LRIG2: variants seen among roughly 807,000 people sequenced by gnomAD.
The protein encoded by LRIG2 is leucine rich repeats and immunoglobulin like domains 2, also known as leucine-rich repeats and immunoglobulin-like domains protein 2.
In LRIG2, 93 loss-of-function variants were observed where a neutral mutation model predicts 107.8. That is an observed-to-expected ratio of 0.86 (90% CI 0.73 to 1.03). LRIG2 has a LOEUF of 1.03. Among genes scored for constraint, LRIG2 ranks in the 50% least tolerant of loss-of-function variants. The pLI is 0.00. For synonymous variants in LRIG2, 471 were observed against 470.6 expected (o/e 1.00, Z -0.01); for missense variants, 1,226 against 1,296.0 (o/e 0.95, Z 0.83).
At position 113,098,735 on chromosome 1, in the gene LRIG2, C is replaced by T. The variant is rs772708079; in HGVS notation, c.1122C>T (p.Ala374=). The change falls in exon 9 of 18, where the codon GCC becomes GCT. Residue 374 remains alanine (A), a synonymous_variant. Transcript: ENST00000361127. Reference sequence around the variant, plus strand: ...TAAGAAACAATGAAATTTCATGGGCCATAGAAGATGCTAGTGAAGCCTTTG... The same window carrying T: ...TAAGAAACAATGAAATTTCATGGGCTATAGAAGATGCTAGTGAAGCCTTTG... ...LDLRNNEISW[A]IEDASEAFAG... 2.5e-6 allele frequency: 4 copies of T among 1,612,832 alleles called. No individual in the cohort carries two copies. In the East Asian group the frequency reaches 8.9e-5, roughly 36 times the overall value.
intron 15 of LRIG2, among the ~76,000 whole-genome samples, chr1:113,115,603 A>T (rs987019371): frequency 6.6e-6 from 1 of 150,974 alleles, no homozygotes; most frequent in Non-Finnish European, 1.5e-5. Context: ...TCTTGGCTCA[A>T]TGCAACTTCC....
intron 1 of LRIG2, among the ~76,000 whole-genome samples, chr1:113,079,861 C>T (rs1392129139): frequency 6.7e-6 from 1 of 148,872 alleles, no homozygotes; most frequent in Non-Finnish European, 1.5e-5. Context: ...TCCCAAGTAG[C>T]TGGGATTACA....
At chr1:113,088,660 C>G (rs1653661024) in intron 1 of LRIG2, among the ~76,000 whole-genome samples, 1 of 152,172 alleles carries the variant, frequency 6.6e-6, no homozygotes, top group African/African-American at 2.4e-5. Context: ...TCATATTATG[C>G]TAGCCTGCTA....
intron 8 of LRIG2, among the ~76,000 whole-genome samples, chr1:113,097,159 T>C (rs574152586): frequency 6.6e-6 from 1 of 151,438 alleles, no homozygotes; most frequent in South Asian, 2.1e-4. Context: ...TAAGAATGTG[T>C]TTTTGTGAAC....
rs905213459 is a variant in LRIG2 at position 113,117,913 on chromosome 1, T to TG, written c.2681-1320_2681-1319insG. On this transcript the variant is annotated intron_variant, in intron 16 of 17. Transcript: ENST00000361127. ...TCTAACATTCTGTTGCATGATTTTT[T>TG]TTTGTTTGTTTTTTGGTTTTTTTGA... is the stretch of plus-strand genomic sequence containing the variant. 3.2e-4 allele frequency among the ~76,000 whole-genome samples: 49 copies of TG among 151,674 alleles called. No homozygotes were observed. The East Asian group carries it at 3.3e-3, about 10-fold the overall frequency.
chr1:113,120,487 A>G (rs989054292), intron 17 of LRIG2, among the ~76,000 whole-genome samples: 1 of 149,364 alleles, frequency 6.7e-6, no homozygotes, highest in Non-Finnish European at 1.5e-5. Context: ...TAATTTGGTG[A>G]TGGTTTTTAC....
At chr1:113,108,711 T>A (rs1287588522) in intron 12 of LRIG2, among the ~76,000 whole-genome samples, 3 of 151,616 alleles carry the variant, frequency 2.0e-5, no homozygotes, top group Non-Finnish European at 2.9e-5. Flanking sequence ...ACCCTGACTC[T>A]ACTAAAAATA....
chr1:113,124,163 A>C lies in LRIG2; in HGVS notation c.*62A>C. The C allele has an allele frequency of 7.2e-7, 1 of 1,389,750 alleles. No homozygotes were observed. The highest frequency in any genetic ancestry group is 1.0e-6 in the Non-Finnish European group (1 of 987,208). The allele number at this position is 1,389,750 out of a possible 1,614,324, so 86.1% of individuals were successfully genotyped here. A position where few individuals can be genotyped will look rare whatever the true frequency, so the allele number is the denominator to read the frequency against. On this transcript the variant is annotated 3_prime_UTR_variant, in exon 18 of 18. Transcript: ENST00000361127. The stretch of plus-strand genomic sequence containing the variant: ...TAATTAATTTTGCATTTACTACCTC[A>C]GAGCTCAGAAGAAACTCCGAAGTCA...
chr1:113,104,067 C>G (rs559386931), intron 11 of LRIG2, among the ~76,000 whole-genome samples: 2 of 152,326 alleles, frequency 1.3e-5, no homozygotes, highest in South Asian at 4.1e-4. Context: ...ACCACTGGTT[C>G]TGTCCACCTC....
chr1:113,093,111 ACCT>A (rs1653897014), intron 2 of LRIG2, 92 bp from the exon 3 acceptor site: 6 of 709,012 alleles, frequency 8.5e-6, no homozygotes, highest in Admixed American at 3.3e-5. Flanking sequence ...CAAATTTGGC[ACCT>A]ATTCTAAAGA....
Position 113,114,691 on chromosome 1 carries a change from A to G in LRIG2, c.2345A>G (p.Asn782Ser), listed in dbSNP as rs147339853. The change falls in exon 15 of 18, where the codon AAT (asparagine) becomes AGT (serine). Residue 782 changes from asparagine to serine, a missense_variant. This residue lies in a region of LRIG2 where 642 missense variants were observed against 712.2 expected (regional missense o/e 0.90). Transcript: ENST00000361127. ...LGTERGHIYL[N>S]VISSPNCDSS... ...ACAGAACGTGGCCACATTTACCTAA[A>G]TGTCATTTCATCCCCCAATTGTGAC... 2.2e-5 allele frequency: 36 copies of G among 1,614,004 alleles called. No homozygotes were observed. Among genetic ancestry groups the G allele is most frequent in the Non-Finnish European group, 3.1e-5 (36 of 1,180,038 alleles).
intron 1 of LRIG2, among the ~76,000 whole-genome samples, chr1:113,090,065 C>T (rs1312159240): frequency 6.6e-6 from 1 of 151,794 alleles, no homozygotes; most frequent in Non-Finnish European, 1.5e-5. Flanking sequence ...TTTAGAAGCT[C>T]ACCATTTTGA....
chr1:113,095,851 C>T (rs1654037377), intron 6 of LRIG2, 23 bp from the exon 7 acceptor site: 1 of 1,613,544 alleles, frequency 6.2e-7, no homozygotes, highest in African/African-American at 1.3e-5. Context: ...AACGTATTTT[C>T]TTCTCTTTCT....
rs1255431454 is a variant in LRIG2 at position 113,094,439 on chromosome 1, A to G, written c.616A>G (p.Met206Val). Residue 206 changes from methionine (M) to valine (V), a missense_variant, in exon 5 of 18, where the codon ATG becomes GTG. Coordinates refer to ENST00000361127, the MANE Select transcript of LRIG2 (RefSeq NM_014813.3). Reference sequence around the variant, plus strand: ...AAAGTTAAACCGTAACCGAATGAGCATGATTCCACCTAAGATCTTCAAGCT... The same window carrying G: ...AAAGTTAAACCGTAACCGAATGAGCGTGATTCCACCTAAGATCTTCAAGCT... Reference protein sequence around the residue: ...VVKLNRNRMSMIPPKIFKLPH... With the variant: ...VVKLNRNRMSVIPPKIFKLPH... 3.1e-6 allele frequency: 5 copies of G among 1,612,980 alleles called. No homozygotes were observed. The Admixed American group carries it at 5.0e-5, about 16-fold the overall frequency.
chr1:113,104,799 G>C (rs1278434654), intron 11 of LRIG2, among the ~76,000 whole-genome samples: 2 of 152,068 alleles, frequency 1.3e-5, no homozygotes, highest in African/African-American at 4.8e-5. Context: ...TATTTTAGAC[G>C]TGATACTGAA....
intron 11 of LRIG2, among the ~76,000 whole-genome samples, chr1:113,106,227 CAAA>C (rs10581084): frequency 3.2e-4 from 47 of 147,892 alleles, no homozygotes; most frequent in East Asian, 4.0e-4. Context: ...GACTCTGTCT[CAAA>C]AAAAAAAAAA....
intron 1 of LRIG2, among the ~76,000 whole-genome samples, chr1:113,080,481 G>A (rs1400058475): frequency 1.3e-5 from 2 of 151,964 alleles, no homozygotes; most frequent in African/African-American, 4.8e-5. Context: ...CCAGGTTCAC[G>A]CCATTCTCCT....
chr1:113,075,203 A>C (rs1284604781), intron 1 of LRIG2, among the ~76,000 whole-genome samples: 1 of 143,790 alleles, frequency 7.0e-6, no homozygotes, highest in African/African-American at 2.4e-5. Context: ...CAAGAGTGAA[A>C]CTCTGTCTCA....
intron 7 of LRIG2, 39 bp downstream of exon 7, chr1:113,096,056 C>T: frequency 6.2e-7 from 1 of 1,612,358 alleles, no homozygotes; most frequent in Middle Eastern, 1.7e-4. Flanking sequence ...GCAGTTAAGA[C>T]TAGAGCAGAT....
Sources: gnomAD v4.1 joint callset for allele counts (sites outside exome capture counted in the v4.1 genomes callset) on GRCh38, gnomAD v4.1.1 for gene constraint, gnomAD v4.1.1 regional missense constraint, MANE v1.5 for transcripts, NCBI Gene and HGNC (gene_info 2026-07-23, HGNC 2026-07-21) for gene names.